LRRC4C: variants seen among roughly 807,000 people sequenced by gnomAD.
LRRC4C encodes leucine rich repeat containing 4C, also known as leucine-rich repeat-containing protein 4C.
Under a neutral mutation model 33.6 loss-of-function variants are expected in LRRC4C, and 5 were observed. The observed-to-expected ratio is 0.15, with a 90% CI of 0.08 to 0.31. The LOEUF (loss-of-function observed/expected upper bound fraction) is 0.31. Among genes scored for constraint, LRRC4C ranks in the 10% least tolerant of loss-of-function variants. The probability of loss-of-function intolerance (pLI) is 1.00; values close to 1 mark genes in which losing one functional copy is unlikely to be tolerated. For synonymous variants in LRRC4C, 329 were observed against 302.0 expected (o/e 1.09, Z -0.93); for missense variants, 560 against 796.7 (o/e 0.70, Z 3.58).
At chr11:40,920,013 A>C (rs540080695) in intron 2 of LRRC4C, among the ~76,000 whole-genome samples, 69 of 152,274 alleles carry the variant, frequency 4.5e-4, no homozygotes, top group African/African-American at 1.5e-3. Context: ...CTAAGGGCTC[A>C]CCTGACACTG....
chr11:40,376,731 G>GTGTGTGTGTGTGTGTA (rs1565328290), intron 3 of LRRC4C, among the ~76,000 whole-genome samples: 1 of 151,934 alleles, frequency 6.6e-6, no homozygotes, highest in Admixed American at 6.6e-5. Flanking sequence ...ATGTGTGTGT[G>GTGTGTGTGTGTGTGTA]TGTGTGTGTG....
chr11:41,275,674 G>A (rs1164325928), intron 1 of LRRC4C, among the ~76,000 whole-genome samples: 1 of 152,176 alleles, frequency 6.6e-6, no homozygotes, highest in Non-Finnish European at 1.5e-5. Flanking sequence ...TATTGTGTGA[G>A]CATAATAGAA....
At chr11:40,368,862 T>C (rs1356282092) in intron 3 of LRRC4C, among the ~76,000 whole-genome samples, 1 of 152,194 alleles carries the variant, frequency 6.6e-6, no homozygotes, top group African/African-American at 2.4e-5. Flanking sequence ...CTTGGGTAAG[T>C]CTTTAAACCA....
chr11:41,131,067 C>T (rs1278190209), intron 1 of LRRC4C, among the ~76,000 whole-genome samples: 1 of 151,944 alleles, frequency 6.6e-6, no homozygotes, highest in Non-Finnish European at 1.5e-5. Context: ...GTTAACCATA[C>T]AACCAATTTG....
intron 2 of LRRC4C, among the ~76,000 whole-genome samples, chr11:40,889,740 T>G (rs1300841568): frequency 6.6e-6 from 1 of 152,154 alleles, no homozygotes; most frequent in Non-Finnish European, 1.5e-5. Context: ...TGTTTCTGTT[T>G]GTGACTTGAT....
chr11:40,140,855 T>TAAAAAAAA lies in LRRC4C; in HGVS notation c.-95-10_-95-3dup, dbSNP rs5791360. On this transcript the variant is annotated splice_region_variant and splice_polypyrimidine_tract_variant and intron_variant, in intron 5 of 6. Transcript: ENST00000528697. ...TAAGTAGGCAGTGCGTTTGCCAATC[T>TAAAAAAAA]AAAAAAAAAAAAAAAAGAAAAGAAA... The TAAAAAAAA allele has an allele frequency of 7.6e-6, 1 of 131,884 alleles. No homozygotes were observed. Among genetic ancestry groups the TAAAAAAAA allele is most frequent in the Non-Finnish European group, 1.6e-5 (1 of 62,026 alleles). 8.2% of individuals were successfully genotyped at this position (131,884 alleles called of 1,614,324 possible). A position where few individuals can be genotyped will look rare whatever the true frequency, so the allele number is the denominator to read the frequency against.
chr11:40,461,693 CTTCTT>C (rs1952404831), intron 3 of LRRC4C, among the ~76,000 whole-genome samples: 1 of 148,346 alleles, frequency 6.7e-6, no homozygotes, highest in Admixed American at 6.8e-5. Context: ...ATATAATAAT[CTTCTT>C]TTATTATATC....
chr11:41,126,503 A>C (rs1590681580), intron 1 of LRRC4C, among the ~76,000 whole-genome samples: 1 of 152,062 alleles, frequency 6.6e-6, no homozygotes, highest in East Asian at 1.9e-4. Context: ...GAAAGTCAAA[A>C]TGTTTTGCAT....
At chr11:40,457,984 C>T (rs1288714959) in intron 3 of LRRC4C, among the ~76,000 whole-genome samples, 3 of 152,036 alleles carry the variant, frequency 2.0e-5, no homozygotes, top group African/African-American at 7.3e-5. Context: ...ATTCCTTGCC[C>T]AGATAGATGT....
At chr11:41,291,842 A>T (rs1314985547) in intron 1 of LRRC4C, among the ~76,000 whole-genome samples, 3 of 152,192 alleles carry the variant, frequency 2.0e-5, no homozygotes, top group Non-Finnish European at 1.5e-5. Context: ...TGTGTGGGCA[A>T]GGCAAAGGTT....
intron 3 of LRRC4C, among the ~76,000 whole-genome samples, chr11:40,398,201 A>G (rs576689150): frequency 4.3e-4 from 65 of 152,232 alleles, no homozygotes; most frequent in African/African-American, 1.5e-3. Flanking sequence ...TGGCTTACCA[A>G]TATGAAGAGT....
At chr11:41,440,776 T>G (rs910399466) in intron 1 of LRRC4C, among the ~76,000 whole-genome samples, 8 of 152,170 alleles carry the variant, frequency 5.3e-5, no homozygotes, top group Non-Finnish European at 1.5e-5. Flanking sequence ...GTTTGATAAG[T>G]GTCCAGAGCT....
chr11:40,778,226 G>A (rs1025954423), intron 2 of LRRC4C, among the ~76,000 whole-genome samples: 10 of 152,140 alleles, frequency 6.6e-5, no homozygotes, highest in African/African-American at 2.4e-4. Flanking sequence ...ACTCCCTTGA[G>A]GATATTTTGT....
intron 3 of LRRC4C, among the ~76,000 whole-genome samples, chr11:40,476,116 T>G (rs530491008): frequency 1.3e-5 from 2 of 152,300 alleles, no homozygotes; most frequent in East Asian, 3.9e-4. Context: ...TGGCTATACC[T>G]TATCATCCTA....
At chr11:40,805,280 G>T (rs1476853583) in intron 2 of LRRC4C, among the ~76,000 whole-genome samples, 1 of 152,132 alleles carries the variant, frequency 6.6e-6, no homozygotes, top group African/African-American at 2.4e-5. Context: ...GAAAAAGTGG[G>T]CTGACAGTAA....
intron 1 of LRRC4C, among the ~76,000 whole-genome samples, chr11:41,102,315 C>T (rs1233776976): frequency 2.0e-5 from 3 of 152,002 alleles, no homozygotes; most frequent in African/African-American, 7.2e-5. Flanking sequence ...GTATAACCTG[C>T]ATTTCTAGTC....
chr11:40,500,768 A>G (rs1280555759), intron 3 of LRRC4C, among the ~76,000 whole-genome samples: 1 of 152,088 alleles, frequency 6.6e-6, no homozygotes, highest in Non-Finnish European at 1.5e-5. Flanking sequence ...AACCCATATC[A>G]TTTCACACCT....
chr11:40,141,054 A>T (rs540724691), intron 5 of LRRC4C, among the ~76,000 whole-genome samples: 1 of 152,200 alleles, frequency 6.6e-6, no homozygotes, highest in South Asian at 2.1e-4. Flanking sequence ...TGAACAATGC[A>T]TTTTTTAATG....
chr11:41,028,338 A>G (rs1355456965), intron 1 of LRRC4C, among the ~76,000 whole-genome samples: 1 of 151,720 alleles, frequency 6.6e-6, no homozygotes, highest in African/African-American at 2.4e-5. Context: ...GTTTCAAAAT[A>G]GACTTTTGAT....
Sources: gnomAD v4.1 joint callset for allele counts (sites outside exome capture counted in the v4.1 genomes callset) on GRCh38, gnomAD v4.1.1 for gene constraint, MANE v1.5 for transcripts, NCBI Gene and HGNC (gene_info 2026-07-23, HGNC 2026-07-21) for gene names.